Variants in FRYL observed in about 807,000 individuals in gnomAD.
FRYL encodes the protein FRY like transcription coactivator.
FRYL carries 150 observed loss-of-function variants against 351.2 expected under a neutral mutation model. The ratio of observed to expected loss-of-function variants is 0.43; its 90% CI spans 0.37 to 0.49. The LOEUF (loss-of-function observed/expected upper bound fraction) is 0.49, where lower values mean the gene tolerates loss of function less well. Among genes scored for constraint, FRYL ranks in the 20% least tolerant of loss-of-function variants. The pLI is 0.00. For missense variants in FRYL, 3,036 were observed against 3,619.3 expected (o/e 0.84, Z 4.13); for synonymous variants, 1,153 against 1,257.1 (o/e 0.92, Z 1.75).
At position 48,535,238 on chromosome 4, in the gene FRYL, C is replaced by T. The variant is rs910266372; in HGVS notation, c.6564+419G>A. Among the ~76,000 whole-genome samples the T allele has an allele frequency of 1.4e-4, 21 of 151,958 alleles. 1 individual carries two copies. The highest frequency in any genetic ancestry group is 1.2e-3 in the Admixed American group (18 of 15,258). On this transcript the variant is annotated intron_variant, in intron 48 of 63. Coordinates refer to ENST00000358350, the MANE Select transcript of FRYL (RefSeq NM_015030.2). ...CTAGAAAAGATTTCTAAGCTAAAAC[C>T]TAATTTTGTAGAAATAAAAATTATA...
chr4:48,654,526 G>T (rs1455459839), intron 3 of FRYL, among the ~76,000 whole-genome samples: 1 of 152,140 alleles, frequency 6.6e-6, no homozygotes, highest in African/African-American at 2.4e-5. Flanking sequence ...ATGATGTAAT[G>T]AATCTATGGC....
chr4:48,725,237 A>G (rs1028043403), intron 1 of FRYL, among the ~76,000 whole-genome samples: 27 of 152,356 alleles, frequency 1.8e-4, no homozygotes, highest in African/African-American at 6.5e-4. Flanking sequence ...CCTGCCTGCC[A>G]GTCTACTCCA....
At chr4:48,776,407 A>C (rs991503905) in intron 1 of FRYL, among the ~76,000 whole-genome samples, 1 of 152,222 alleles carries the variant, frequency 6.6e-6, no homozygotes, top group African/African-American at 2.4e-5. Context: ...CCAAACCCAA[A>C]TAAAACTAAA....
In FRYL at chr4:48,575,229, G is replaced by T; in HGVS notation, c.2734C>A (p.Pro912Thr). The T allele has an allele frequency of 1.2e-6, 2 of 1,613,290 alleles. No homozygotes were observed. The highest frequency in any genetic ancestry group is 1.7e-6 in the Non-Finnish European group (2 of 1,179,454). ...YSIDSKIIGI[P>T]SPSSLFKHIV... is the part of the protein sequence containing the mutation. ...TGCTTAAACAAGGATGAAGGGGATG[G>T]GATGCCAATAATCTGGAAAAAAAAT... Residue 912 changes from proline (P) to threonine (T), a missense_variant, in exon 25 of 64, where the codon CCA becomes ACA. Transcript: ENST00000358350.
chr4:48,608,159 G>T (rs1183425385), intron 9 of FRYL, among the ~76,000 whole-genome samples: 2 of 152,054 alleles, frequency 1.3e-5, no homozygotes, highest in Non-Finnish European at 2.9e-5. Context: ...CATAGCATTT[G>T]CTATACAAGG....
chr4:48,565,804 T>C (rs1736646235), intron 28 of FRYL, 113 bp from the exon 29 acceptor site: 12 of 1,084,536 alleles, frequency 1.1e-5, no homozygotes, highest in Non-Finnish European at 1.5e-5. Context: ...GAAGTTTTCA[T>C]TTTAAACTAT....
In FRYL at chr4:48,605,063, C is replaced by G. The variant is rs930459815; in HGVS notation, c.834+678G>C. On this transcript the variant is annotated intron_variant, in intron 11 of 63. Transcript: ENST00000358350. ...ACTGACATGACTTATACATGATAGC[C>G]TGTTTTCTTTTTTATAAAATGAGCC... Among the ~76,000 whole-genome samples the G allele has an allele frequency of 7.1e-4, 108 of 152,168 alleles. 4 individuals carry two copies. The highest frequency in any genetic ancestry group is 5.9e-5 in the Non-Finnish European group (4 of 68,026).
At position 48,570,917 on chromosome 4, in the gene FRYL, T is replaced by C. The variant is rs1352415996; in HGVS notation, c.2906A>G (p.Asn969Ser). The C allele has an allele frequency of 1.2e-6, 2 of 1,610,360 alleles. No homozygotes were observed. Among genetic ancestry groups the C allele is most frequent in the Non-Finnish European group, 1.7e-6 (2 of 1,176,746 alleles). The change falls in exon 27 of 64, where the codon AAT becomes AGT. Residue 969 changes from asparagine (N) to serine (S), a missense_variant and splice_region_variant. Coordinates refer to ENST00000358350, the MANE Select transcript of FRYL (RefSeq NM_015030.2). ...GTCTCGACGCCTGCGCCGTTTCATA[T>C]TCTATTCCAAAGATACAAACACATT... ...IKEALERRPE[N>S]MKRRRRRDIL...
intron 25 of FRYL, among the ~76,000 whole-genome samples, 196 bp downstream of exon 25, chr4:48,574,921 C>T (rs1047838769): frequency 6.6e-6 from 1 of 151,934 alleles, no homozygotes; most frequent in African/African-American, 2.4e-5. Context: ...ATAAAGCTTC[C>T]AATAAATGTT....
rs776010275 is a variant in FRYL, at chr4:48,557,557, G to A, written c.4021C>T (p.Arg1341Ter). The change falls in exon 34 of 64, where the codon CGA (arginine) becomes TGA (stop). Residue 1341 changes from arginine to a stop codon, truncating the protein, a stop_gained. Coordinates refer to ENST00000358350, the MANE Select transcript of FRYL (RefSeq NM_015030.2). LOFTEE classifies it high-confidence loss of function. ...CGCCTACTAGTCACCATAAGTTCTC[G>A]GTCTTTTAAGGAATCATCTTCATCT... ...DEDEDDSLKDRELMVTSRRWL... is the reference protein window; with the variant it reads ...DEDEDDSLKD 3.1e-6 allele frequency: 5 copies of A among 1,614,052 alleles called. No individual in the cohort carries two copies. Among genetic ancestry groups the A allele is most frequent in the Non-Finnish European group, 3.4e-6 (4 of 1,179,994 alleles).
At chr4:48,515,324 A>G (rs748595969) in intron 55 of FRYL, 49 bp from the exon 56 acceptor site, 9 of 1,364,096 alleles carry the variant, frequency 6.6e-6, no homozygotes, top group Non-Finnish European at 7.1e-6. Flanking sequence ...TAAAAAAAGA[A>G]TTTTACAACA....
intron 1 of FRYL, among the ~76,000 whole-genome samples, chr4:48,772,028 G>A (rs1445818581): frequency 6.6e-6 from 1 of 152,154 alleles, no homozygotes; most frequent in Non-Finnish European, 1.5e-5. Context: ...ACACTAATTG[G>A]CTAGAGTTCC....
chr4:48,770,663 G>C (rs6447660), intron 1 of FRYL, among the ~76,000 whole-genome samples: 88,834 of 151,886 alleles, frequency 0.58, 27,218 homozygotes, highest in African/African-American at 0.78. Flanking sequence ...TCTCGAACTC[G>C]CAACCTCAGG....
Position 48,528,061 on chromosome 4 carries a change from A to C in FRYL, c.7066-16T>G. On this transcript the variant is annotated splice_polypyrimidine_tract_variant and intron_variant, in intron 51 of 63. Transcript: ENST00000358350. ...TTGTTCTTCGCTAAAGGAAAAAAAAAAATTAAAATGTTAGGACTGCTGATA... is the reference window on the plus strand; with the variant it reads ...TTGTTCTTCGCTAAAGGAAAAAAAACAATTAAAATGTTAGGACTGCTGATA... 1 of 1,567,478 alleles carries C rather than the reference A, an allele frequency of 6.4e-7. No individual in the cohort carries two copies. The highest frequency in any genetic ancestry group is 8.6e-7 in the Non-Finnish European group (1 of 1,164,312).
intron 1 of FRYL, among the ~76,000 whole-genome samples, chr4:48,719,383 A>G (rs1351515454): frequency 1.3e-5 from 2 of 151,680 alleles, no homozygotes; most frequent in East Asian, 1.9e-4. Context: ...TAAAGTAGAA[A>G]GTCACTTACC....
intron 3 of FRYL, among the ~76,000 whole-genome samples, chr4:48,656,394 T>TATACTA (rs1553964853): frequency 8.1e-5 from 1 of 12,332 alleles, no homozygotes; most frequent in Non-Finnish European, 1.7e-4. Context: ...AATATATAAT[T>TATACTA]AATATATAAT....
chr4:48,663,930 G>A (rs1761282573), intron 3 of FRYL, among the ~76,000 whole-genome samples: 1 of 152,142 alleles, frequency 6.6e-6, no homozygotes. Flanking sequence ...AGGCAGTGAA[G>A]GGGATATACT....
Position 48,593,998 on chromosome 4 carries a change from T to C in FRYL, c.1267A>G (p.Met423Val), listed in dbSNP as rs1452698891. 2.7e-6 allele frequency: 4 copies of C among 1,486,780 alleles called. No homozygotes were observed. Among genetic ancestry groups the C allele is most frequent in the African/African-American group, 1.5e-5 (1 of 68,454 alleles). The allele number at this position is 1,486,780 out of a possible 1,614,324, so 92.1% of individuals were successfully genotyped here. The change falls in exon 16 of 64, where the codon ATG becomes GTG. Residue 423 changes from methionine (M) to valine (V), a missense_variant. Physicochemically the swap from Met to Val is conservative, Grantham distance 21. Coordinates refer to ENST00000358350, the MANE Select transcript of FRYL (RefSeq NM_015030.2). ...AGAAGATCAAATATTATTTCTTTCATTGCAAAATCCAAGCGTTCCTTAAAA... is the reference window on the plus strand; with the variant it reads ...AGAAGATCAAATATTATTTCTTTCACTGCAAAATCCAAGCGTTCCTTAAAA... The part of the protein sequence containing the change: ...FIAQERLDFA[M>V]KEIIFDLLSV...
chr4:48,580,966 T>A lies in FRYL; in HGVS notation c.2173-15A>T. On this transcript the variant is annotated splice_polypyrimidine_tract_variant and intron_variant, in intron 21 of 63. Coordinates refer to ENST00000358350, the MANE Select transcript of FRYL (RefSeq NM_015030.2). ...TCATCATCACCCTGTAAAAAAGACATCATATGTCTAAAAAAATTAGGAATG... is the reference window on the plus strand; with the variant it reads ...TCATCATCACCCTGTAAAAAAGACAACATATGTCTAAAAAAATTAGGAATG... The A allele has an allele frequency of 6.5e-7, 1 of 1,532,556 alleles. No individual in the cohort carries two copies. Among genetic ancestry groups the A allele is most frequent in the Non-Finnish European group, 8.8e-7 (1 of 1,134,714 alleles). The allele number at this position is 1,532,556 out of a possible 1,614,324, so 94.9% of individuals were successfully genotyped here.
Sources: gnomAD v4.1 joint callset for allele counts (sites outside exome capture counted in the v4.1 genomes callset) on GRCh38, gnomAD v4.1.1 for gene constraint, MANE v1.5 for transcripts, NCBI Gene and HGNC (gene_info 2026-07-23, HGNC 2026-07-21) for gene names.